The following ADK variants were observed in gnomAD, a reference collection of about 807,000 sequenced individuals.
The protein encoded by ADK is N6,N6-dimethyladenosine kinase.
ADK carries 24 observed loss-of-function variants against 44.7 expected under a neutral mutation model. The ratio of observed to expected loss-of-function variants is 0.54; its 90% CI spans 0.39 to 0.76. The LOEUF is 0.76. Among genes scored for constraint, ADK ranks in the 30% least tolerant of loss-of-function variants. The pLI, the probability that ADK is intolerant of heterozygous loss-of-function variation, is 0.00. For synonymous variants in ADK, 128 were observed against 142.6 expected, an observed-to-expected ratio of 0.90 and a Z score of 0.73; for missense variants, 321 against 425.1, an observed-to-expected ratio of 0.76 and a Z score of 2.15.
At chr10:74,486,722 G>C (rs532201896) in intron 6 of ADK, among the ~76,000 whole-genome samples, 24 of 152,202 alleles carry the variant, frequency 1.6e-4, no homozygotes, top group African/African-American at 5.8e-4. Flanking sequence ...TATTCAACTG[G>C]TCTGTGGTTC....
intron 2 of ADK, among the ~76,000 whole-genome samples, chr10:74,212,312 C>A (rs1240803876): frequency 6.6e-6 from 1 of 152,168 alleles, no homozygotes; most frequent in Admixed American, 6.5e-5. Context: ...CATTTCACAG[C>A]TCAACACACA....
At chr10:74,237,444 T>TCAA (rs1845012187) in intron 3 of ADK, among the ~76,000 whole-genome samples, 1 of 152,196 alleles carries the variant, frequency 6.6e-6, no homozygotes, top group Admixed American at 6.5e-5. Flanking sequence ...CCCTGAAGTC[T>TCAA]TGAAGCGCTC....
At chr10:74,209,484 A>G (rs535207648) in intron 2 of ADK, among the ~76,000 whole-genome samples, 11 of 152,334 alleles carry the variant, frequency 7.2e-5, no homozygotes, top group Admixed American at 1.3e-4. Flanking sequence ...GGTCTGTGGT[A>G]TTTTTGTTAT....
chr10:74,537,602 T>A (rs1164995433), intron 7 of ADK, among the ~76,000 whole-genome samples: 4 of 152,236 alleles, frequency 2.6e-5, no homozygotes, highest in Non-Finnish European at 2.9e-5. Flanking sequence ...AAGGTTTTTT[T>A]AAATTATGTC....
chr10:74,367,474 TAA>T (rs1842531499), intron 4 of ADK, among the ~76,000 whole-genome samples: 1 of 152,192 alleles, frequency 6.6e-6, no homozygotes, highest in African/African-American at 2.4e-5. Flanking sequence ...CAAAAATGGT[TAA>T]GAGACACTTA....
At chr10:74,543,483 G>T (rs184378585) in intron 7 of ADK, among the ~76,000 whole-genome samples, 11 of 152,078 alleles carry the variant, frequency 7.2e-5, no homozygotes, top group Non-Finnish European at 1.3e-4. Context: ...GAATAATCTT[G>T]TTCATACATA....
intron 8 of ADK, among the ~76,000 whole-genome samples, chr10:74,592,529 C>A (rs1851759009): frequency 2.0e-5 from 3 of 152,070 alleles, no homozygotes; most frequent in African/African-American, 7.2e-5. Flanking sequence ...AGAATTCATA[C>A]CTTCTCTATT....
intron 6 of ADK, among the ~76,000 whole-genome samples, chr10:74,411,299 T>G (rs935097001): frequency 5.3e-5 from 8 of 151,778 alleles, no homozygotes; most frequent in African/African-American, 1.9e-4. Flanking sequence ...ACTTAACACA[T>G]ATGAATCTTT....
intron 9 of ADK, among the ~76,000 whole-genome samples, chr10:74,651,910 A>T (rs1224414217): frequency 6.6e-6 from 1 of 152,188 alleles, no homozygotes; most frequent in African/African-American, 2.4e-5. Flanking sequence ...AAGAACATAT[A>T]CTGTATGATT....
At chr10:74,158,851 T>C (rs186517896) in intron 1 of ADK, among the ~76,000 whole-genome samples, 154 of 152,354 alleles carry the variant, frequency 1.0e-3, no homozygotes, top group African/African-American at 3.6e-3. Flanking sequence ...TGGCTAGCTC[T>C]ACTGTAATAC....
At chr10:74,292,457 T>C (rs1839656473) in intron 3 of ADK, among the ~76,000 whole-genome samples, 3 of 152,202 alleles carry the variant, frequency 2.0e-5, no homozygotes, top group South Asian at 2.1e-4. Context: ...TATTGGAGGA[T>C]TGGAGAGTTA....
intron 6 of ADK, among the ~76,000 whole-genome samples, chr10:74,421,906 A>G (rs1292913677): frequency 6.6e-6 from 1 of 152,226 alleles, no homozygotes; most frequent in African/African-American, 2.4e-5. Flanking sequence ...TCACAGTGTT[A>G]TGTATAAATT....
intron 6 of ADK, among the ~76,000 whole-genome samples, chr10:74,502,703 G>A (rs1274664466): frequency 6.6e-6 from 1 of 152,070 alleles, no homozygotes; most frequent in African/African-American, 2.4e-5. Context: ...ATTCTCAGAG[G>A]CATCTAGGGA....
intron 7 of ADK, among the ~76,000 whole-genome samples, chr10:74,554,869 TG>T (rs550992573): frequency 9.7e-4 from 148 of 152,334 alleles, no homozygotes; most frequent in African/African-American, 3.4e-3. Flanking sequence ...AAATATGATT[TG>T]GTATATATGC....
At chr10:74,298,896 A>G (rs1839907322) in intron 3 of ADK, among the ~76,000 whole-genome samples, 1 of 152,200 alleles carries the variant, frequency 6.6e-6, no homozygotes, top group African/African-American at 2.4e-5. Context: ...CCTGGGGAGC[A>G]TAGCAAGACC....
rs200618866 is a variant in ADK at position 74,485,462 on chromosome 10, AAAATAAATAAATAAATAAAT to A, written c.556-39767_556-39748del. Among the ~76,000 whole-genome samples the A allele has an allele frequency of 5.6e-5, 8 of 144,028 alleles. No individual in the cohort carries two copies. The South Asian group carries it at 1.1e-3, about 20-fold the overall frequency. 94.5% of individuals were successfully genotyped at this position (144,028 alleles called of 152,430 possible). On this transcript the variant is annotated intron_variant, in intron 6 of 10. Coordinates refer to ENST00000539909, the MANE Select transcript of ADK (RefSeq NM_006721.4). ...GGGTGACAGAGTGAGACCCTGTCTC[AAAATAAATAAATAAATAAAT>A]AAATAAATAAATAAATAAATAAATA...
chr10:74,204,079 C>G (rs1843503322), intron 2 of ADK, among the ~76,000 whole-genome samples: 1 of 150,884 alleles, frequency 6.6e-6, no homozygotes, highest in Non-Finnish European at 1.5e-5. Flanking sequence ...GCCTCAGCCT[C>G]CTGAGTAGCT....
intron 6 of ADK, among the ~76,000 whole-genome samples, chr10:74,438,469 A>G (rs1335127244): frequency 6.6e-6 from 1 of 151,188 alleles, no homozygotes; most frequent in East Asian, 1.9e-4. Flanking sequence ...TGACCTCGTG[A>G]TCCCTCCGCC....
chr10:74,602,457 G>T (rs901815087), intron 9 of ADK, among the ~76,000 whole-genome samples: 1 of 152,104 alleles, frequency 6.6e-6, no homozygotes, highest in South Asian at 2.1e-4. Context: ...GTATATTCTA[G>T]ATATACATAC....
Sources: gnomAD v4.1 joint callset for allele counts (sites outside exome capture counted in the v4.1 genomes callset) on GRCh38, gnomAD v4.1.1 for gene constraint, MANE v1.5 for transcripts, NCBI Gene and HGNC (gene_info 2026-07-23, HGNC 2026-07-21) for gene names.